PPHLN1: variants seen among roughly 807,000 people sequenced by gnomAD.
The protein encoded by PPHLN1 is periphilin 1, also known as periphilin-1.
PPHLN1 carries 29 observed loss-of-function variants against 51.3 expected under a neutral mutation model. The observed-to-expected ratio is 0.57, with a 90% CI of 0.42 to 0.77. The LOEUF is 0.77. Ranked by LOEUF, PPHLN1 falls within the 30% of genes least tolerant of loss-of-function variation. The pLI, the probability that PPHLN1 is intolerant of heterozygous loss-of-function variation, is 0.00. For missense variants in PPHLN1, 436 were observed against 438.4 expected (o/e 0.99, Z 0.05); for synonymous variants, 147 against 147.8 (o/e 0.99, Z 0.04).
intron 9 of PPHLN1, among the ~76,000 whole-genome samples, chr12:42,410,275 A>C (rs577640613): frequency 2.6e-5 from 4 of 152,166 alleles, no homozygotes; most frequent in Admixed American, 2.6e-4. Context: ...TTGACTTTTT[A>C]CTTGAATCTG....
At chr12:42,361,142 G>A (rs955022249) in intron 4 of PPHLN1, 3 of 152,202 alleles carry the variant, frequency 2.0e-5, no homozygotes, top group Admixed American at 2.0e-4. Context: ...TGGTCATAAA[G>A]GTGGATTCCT....
At chr12:42,413,193 A>G (rs1280411567) in intron 9 of PPHLN1, among the ~76,000 whole-genome samples, 2 of 152,160 alleles carry the variant, frequency 1.3e-5, no homozygotes, top group African/African-American at 2.4e-5. Context: ...GCTTAGGCCA[A>G]TGTCCAGAAG....
chr12:42,428,988 T>A (rs2081781152), intron 9 of PPHLN1, among the ~76,000 whole-genome samples: 2 of 152,094 alleles, frequency 1.3e-5, no homozygotes. Flanking sequence ...TTAAATAATT[T>A]TTATTATTCT....
Position 42,441,648 on chromosome 12 carries a change from T to C in PPHLN1, c.*139T>C. 7.6e-7 allele frequency: 1 copy of C among 1,313,120 alleles called. No homozygotes were observed. Among genetic ancestry groups the C allele is most frequent in the African/African-American group, 1.5e-5 (1 of 66,572 alleles). The allele number at this position is 1,313,120 out of a possible 1,614,324, so 81.3% of individuals were successfully genotyped here. A position where few individuals can be genotyped will look rare whatever the true frequency, so the allele number is the denominator to read the frequency against. ...TAGTTGACAACATTTCAGTATTAAA[T>C]AAACATCTAAAATAGTCTGTTTAAA... On this transcript the variant is annotated 3_prime_UTR_variant, in exon 10 of 10. Coordinates refer to ENST00000358314, the MANE Select transcript of PPHLN1 (RefSeq NM_201439.2).
intron 6 of PPHLN1, 73 bp downstream of exon 6, chr12:42,385,069 A>G (rs1168325962): frequency 6.9e-7 from 1 of 1,439,326 alleles, no homozygotes; most frequent in Non-Finnish European, 9.8e-7. Flanking sequence ...GGTTATGGAA[A>G]TGGGGAAAGT....
downstream of PPHLN1, among the ~76,000 whole-genome samples, chr12:42,442,471 T>C (rs143675696): frequency 2.0e-4 from 30 of 152,332 alleles, no homozygotes; most frequent in Non-Finnish European, 3.7e-4. Flanking sequence ...ACTCACAAAT[T>C]GTGTTGGCTT....
intron 9 of PPHLN1, among the ~76,000 whole-genome samples, chr12:42,403,559 T>C (rs1275860256): frequency 6.6e-6 from 1 of 152,202 alleles, no homozygotes; most frequent in Non-Finnish European, 1.5e-5. Context: ...TTAAAGGTAA[T>C]TTAGTTATTT....
intron 9 of PPHLN1, among the ~76,000 whole-genome samples, chr12:42,421,838 T>C (rs1313456761): frequency 6.6e-6 from 1 of 152,098 alleles, no homozygotes; most frequent in African/African-American, 2.4e-5. Context: ...AGGAGCAGTA[T>C]ACTGGGAAGG....
At chr12:42,415,091 T>TA (rs1158015156) in intron 9 of PPHLN1, among the ~76,000 whole-genome samples, 1 of 152,230 alleles carries the variant, frequency 6.6e-6, no homozygotes, top group Non-Finnish European at 1.5e-5. Flanking sequence ...AACGTGGACC[T>TA]ATGCTTACAA....
chr12:42,350,856 C>G lies in PPHLN1; in HGVS notation c.73-1029C>G, dbSNP rs565141853. 1.6e-3 allele frequency among the ~76,000 whole-genome samples: 249 copies of G among 152,134 alleles called. 1 individual carries two copies. Among genetic ancestry groups the G allele is most frequent in the Non-Finnish European group, 2.9e-3 (194 of 67,996 alleles). Reference sequence around the variant, plus strand: ...GCGCGCGCCTGCAATCCCAGGCACTCGGCAGGCTGAGGCAGGAGAATCAGG... The same window carrying G: ...GCGCGCGCCTGCAATCCCAGGCACTGGGCAGGCTGAGGCAGGAGAATCAGG... On this transcript the variant is annotated intron_variant, in intron 2 of 9. Transcript: ENST00000358314.
At chr12:42,425,999 A>G (rs1325009659) in intron 9 of PPHLN1, among the ~76,000 whole-genome samples, 2 of 152,252 alleles carry the variant, frequency 1.3e-5, no homozygotes, top group African/African-American at 4.8e-5. Flanking sequence ...CAACCAAAGC[A>G]TAAGTAGCTT....
At chr12:42,395,347 T>C (rs571522314) in intron 8 of PPHLN1, among the ~76,000 whole-genome samples, 1 of 152,240 alleles carries the variant, frequency 6.6e-6, no homozygotes, top group African/African-American at 2.4e-5. Flanking sequence ...CTGTATGTCA[T>C]TAATGTTGAA....
downstream of PPHLN1, chr12:42,443,045 G>A (rs998317589): frequency 1.1e-5 from 3 of 284,758 alleles, no homozygotes; most frequent in African/African-American, 2.2e-5. Context: ...AATCTTTAAC[G>A]TTATGGGCCT....
At chr12:42,431,297 T>C (rs184331286) in intron 9 of PPHLN1, among the ~76,000 whole-genome samples, 1 of 152,320 alleles carries the variant, frequency 6.6e-6, no homozygotes, top group South Asian at 2.1e-4. Context: ...GAAGAAGTGG[T>C]TGCATATTAA....
intron 9 of PPHLN1, among the ~76,000 whole-genome samples, chr12:42,435,658 T>C (rs1033556973): frequency 6.6e-6 from 1 of 151,530 alleles, no homozygotes; most frequent in African/African-American, 2.4e-5. Flanking sequence ...TTGGAGTTTC[T>C]TTTTTTTAAC....
chr12:42,353,454 T>G (rs1028054188), intron 3 of PPHLN1, among the ~76,000 whole-genome samples: 25 of 152,240 alleles, frequency 1.6e-4, no homozygotes, highest in Admixed American at 2.0e-4. Context: ...GGAGTCTGGT[T>G]TCTCTTACTA....
At chr12:42,331,051 A>G (rs1397598462) in intron 1 of PPHLN1, among the ~76,000 whole-genome samples, 1 of 152,184 alleles carries the variant, frequency 6.6e-6, no homozygotes, top group African/African-American at 2.4e-5. Flanking sequence ...TTCCTTTTCT[A>G]CATAGACACA....
downstream of PPHLN1, chr12:42,443,758 GC>G (rs1444402104): frequency 6.6e-6 from 1 of 152,182 alleles, no homozygotes; most frequent in Non-Finnish European, 1.5e-5. Flanking sequence ...AATCTATGGG[GC>G]CCCTTCAACA....
intron 9 of PPHLN1, among the ~76,000 whole-genome samples, chr12:42,417,355 G>A (rs542975957): frequency 6.6e-6 from 1 of 152,250 alleles, no homozygotes; most frequent in South Asian, 2.1e-4. Flanking sequence ...CAACATTTTT[G>A]AGGTGGATAG....
Sources: gnomAD v4.1 joint callset for allele counts (sites outside exome capture counted in the v4.1 genomes callset) on GRCh38, gnomAD v4.1.1 for gene constraint, MANE v1.5 for transcripts, NCBI Gene and HGNC (gene_info 2026-07-23, HGNC 2026-07-21) for gene names.